Variants in GPER1 observed in about 807,000 individuals in gnomAD.
GPER1 encodes the protein G protein-coupled receptor 30.
In GPER1, 2 loss-of-function variants were observed where a neutral mutation model predicts 0.6. That is an observed-to-expected ratio of 3.41 (90% confidence interval 1.39 to 10.72). The LOEUF is 10.72. GPER1 is among the 30% of genes most tolerant of loss of function. The probability of loss-of-function intolerance (pLI) is 0.04; values close to 1 mark genes in which losing one functional copy is unlikely to be tolerated. For synonymous variants in GPER1, 263 were observed against 247.6 expected, an observed-to-expected ratio of 1.06 and a Z score of -0.58; for missense variants, 441 against 535.2, an observed-to-expected ratio of 0.82 and a Z score of 1.74.
At position 1,092,088 on chromosome 7, in the gene GPER1, C is replaced by T. The variant is rs758032389; in HGVS notation, c.360C>T (p.His120=). Residue 120 remains histidine (H), a synonymous_variant, in exon 2 of 2, where the codon CAC becomes CAT. Transcript: ENST00000397088. ...CCCTCATTGAGGTGTTCAACCTGCA[C>T]GAGCGGTACTACGACATCGCCGTCC... is the stretch of plus-strand genomic sequence containing the variant. ...ADSLIEVFNL[H]ERYYDIAVLC... is the part of the protein sequence containing the mutation. 5.0e-5 allele frequency: 81 copies of T among 1,613,950 alleles called. No individual in the cohort carries two copies. In the South Asian group the frequency reaches 7.5e-4, roughly 15 times the overall value.
rs368800854 is a variant in GPER1, at chr7:1,091,717, C to A, written c.-12C>A. 6 of 1,507,824 alleles carry A rather than the reference C, an allele frequency of 4.0e-6. No individual in the cohort carries two copies. The highest frequency in any genetic ancestry group is 2.3e-5 in the Admixed American group (1 of 44,286). 93.4% of individuals were successfully genotyped at this position (1,507,824 alleles called of 1,614,324 possible). A position where few individuals can be genotyped will look rare whatever the true frequency, so the allele number is the denominator to read the frequency against. Reference sequence around the variant, plus strand: ...CTTTCGGCAAATCTTGAAAGCTGCACGGTGCAGAGACATGGATGTGACTTC... The same window carrying A: ...CTTTCGGCAAATCTTGAAAGCTGCAAGGTGCAGAGACATGGATGTGACTTC... On this transcript the variant is annotated 5_prime_UTR_variant, in exon 2 of 2. Coordinates refer to ENST00000397088, the MANE Select transcript of GPER1 (RefSeq NM_001098201.3).
intron 1 of GPER1, among the ~76,000 whole-genome samples, chr7:1,090,087 A>G (rs1334443586): frequency 6.6e-6 from 1 of 152,158 alleles, no homozygotes; most frequent in Non-Finnish European, 1.5e-5. Flanking sequence ...AACATTCAAA[A>G]CAATAACTCC....
At chr7:1,090,446 C>T (rs541461538) in intron 1 of GPER1, among the ~76,000 whole-genome samples, 1 of 151,808 alleles carries the variant, frequency 6.6e-6, no homozygotes, top group East Asian at 1.9e-4. Context: ...CAGGACCTCC[C>T]CACTCGCAGC....
chr7:1,089,615 G>T (rs955406013), intron 1 of GPER1, among the ~76,000 whole-genome samples: 1 of 151,458 alleles, frequency 6.6e-6, no homozygotes, highest in Non-Finnish European at 1.5e-5. Context: ...TAGAGACAGG[G>T]TTTCGCCATG....
chr7:1,092,220 C>T lies in GPER1; in HGVS notation c.492C>T (p.Arg164=), dbSNP rs201825687. ...DRYIALARAM[R]CSLFRTKHHA... is the part of the protein sequence containing the mutation. ...ACATCGCCCTGGCCAGGGCCATGCG[C>T]TGCAGCCTGTTCCGCACCAAGCACC... The change falls in exon 2 of 2, where the codon CGC becomes CGT. Residue 164 remains arginine (R), a synonymous_variant. Transcript: ENST00000397088. 9.9e-6 allele frequency: 16 copies of T among 1,612,922 alleles called. No individual in the cohort carries two copies. In the East Asian group the frequency reaches 3.3e-4, roughly 34 times the overall value.
chr7:1,092,206 GCCAGGGCCAT>G lies in GPER1; in HGVS notation c.479_488del (p.Ala160GlyfsTer14). ...GAGCTTCGACCGCTACATCGCCCTG[GCCAGGGCCAT>G]GCGCTGCAGCCTGTTCCGCACCAAG... On this transcript the variant is annotated frameshift_variant, in exon 2 of 2. Coordinates refer to ENST00000397088, the MANE Select transcript of GPER1 (RefSeq NM_001098201.3). LOFTEE classifies it low-confidence loss of function (END_TRUNC). The G allele has an allele frequency of 6.2e-7, 1 of 1,613,046 alleles. No homozygotes were observed. Among genetic ancestry groups the G allele is most frequent in the Non-Finnish European group, 8.5e-7 (1 of 1,180,044 alleles).
chr7:1,093,154 T>A lies in GPER1; in HGVS notation c.*298T>A. On this transcript the variant is annotated 3_prime_UTR_variant, in exon 2 of 2. Transcript: ENST00000397088. Reference sequence around the variant, plus strand: ...CCAGCTCCTCCCCGCCAACCCTGCCTGCCGCTGCACCTGCCTGCCGCTGCA... The same window carrying A: ...CCAGCTCCTCCCCGCCAACCCTGCCAGCCGCTGCACCTGCCTGCCGCTGCA... 1.7e-6 allele frequency: 1 copy of A among 594,270 alleles called. No homozygotes were observed. Among genetic ancestry groups the A allele is most frequent in the Non-Finnish European group, 3.3e-6 (1 of 307,674 alleles). 36.8% of individuals were successfully genotyped at this position (594,270 alleles called of 1,614,324 possible). A position where few individuals can be genotyped will look rare whatever the true frequency, so the allele number is the denominator to read the frequency against.
rs551093454 is a variant in GPER1, at chr7:1,093,680, G to A, written c.*824G>A. On this transcript the variant is annotated 3_prime_UTR_variant, in exon 2 of 2. Transcript: ENST00000397088. ...AAATACTCCAGCACCTGTGGCTGACGAATTTGTTTCTACAGAAATAACAGC... is the reference window on the plus strand; with the variant it reads ...AAATACTCCAGCACCTGTGGCTGACAAATTTGTTTCTACAGAAATAACAGC... 1.3e-5 allele frequency: 6 copies of A among 469,688 alleles called. No homozygotes were observed. Among genetic ancestry groups the A allele is most frequent in the East Asian group, 7.0e-5 (1 of 14,320 alleles). The allele number at this position is 469,688 out of a possible 1,614,324, so 29.1% of individuals were successfully genotyped here. A position where few individuals can be genotyped will look rare whatever the true frequency, so the allele number is the denominator to read the frequency against.
At position 1,093,447 on chromosome 7, in the gene GPER1, T is replaced by C. The variant is rs1012364301; in HGVS notation, c.*591T>C. The C allele has an allele frequency of 1.7e-5, 8 of 464,614 alleles. No homozygotes were observed. Among genetic ancestry groups the C allele is most frequent in the African/African-American group, 1.6e-4 (8 of 49,996 alleles). 28.8% of individuals were successfully genotyped at this position (464,614 alleles called of 1,614,324 possible). On this transcript the variant is annotated 3_prime_UTR_variant, in exon 2 of 2. Transcript: ENST00000397088. ...CCTGAGCGTCCTCCATCTTCCAGGATGGCAGCAATGGCGCTGTGCGGCCTC... is the reference window on the plus strand; with the variant it reads ...CCTGAGCGTCCTCCATCTTCCAGGACGGCAGCAATGGCGCTGTGCGGCCTC...
chr7:1,091,483 A>AGTACTGTGTAGAT lies in GPER1; in HGVS notation c.-246_-245insGTACTGTGTAGAT. Reference sequence around the variant, plus strand: ...CCGCAGGGACGCCCGCCGGACGAGCACGCGGAGGGCCCTCGCCTCCACGGA... The same window carrying AGTACTGTGTAGAT: ...CCGCAGGGACGCCCGCCGGACGAGCAGTACTGTGTAGATCGCGGAGGGCCCTCGCCTCCACGGA... On this transcript the variant is annotated 5_prime_UTR_variant, in exon 2 of 2. Coordinates refer to ENST00000397088, the MANE Select transcript of GPER1 (RefSeq NM_001098201.3). 4.2e-6 allele frequency: 2 copies of AGTACTGTGTAGAT among 480,562 alleles called. No homozygotes were observed. The highest frequency in any genetic ancestry group is 1.9e-5 in the African/African-American group (1 of 51,614). The allele number at this position is 480,562 out of a possible 1,614,324, so 29.8% of individuals were successfully genotyped here. A position where few individuals can be genotyped will look rare whatever the true frequency, so the allele number is the denominator to read the frequency against.
At chr7:1,089,706 C>G (rs1168682356) in intron 1 of GPER1, among the ~76,000 whole-genome samples, 1 of 132,996 alleles carries the variant, frequency 7.5e-6, no homozygotes, top group African/African-American at 3.0e-5. Flanking sequence ...TATAGGCCAG[C>G]CTTTTTTTTT....
rs1335939748 is a variant in GPER1 at position 1,092,148 on chromosome 7, C to T, written c.420C>T (p.Asn140=). 9 of 1,613,594 alleles carry T rather than the reference C, an allele frequency of 5.6e-6. No homozygotes were observed. The highest frequency in any genetic ancestry group is 7.6e-6 in the Non-Finnish European group (9 of 1,179,972). Residue 140 remains asparagine (N), a synonymous_variant, in exon 2 of 2, where the codon AAC becomes AAT. Coordinates refer to ENST00000397088, the MANE Select transcript of GPER1 (RefSeq NM_001098201.3). ...TCATGTCGCTCTTCCTGCAGGTCAA[C>T]ATGTACAGCAGCGTCTTCTTCCTCA... is the stretch of plus-strand genomic sequence containing the variant. ...CTFMSLFLQV[N]MYSSVFFLTW... is the part of the protein sequence containing the mutation.
rs748338923 is a variant in GPER1, at chr7:1,092,597, G to A, written c.869G>A (p.Gly290Glu). 3.1e-6 allele frequency: 5 copies of A among 1,611,440 alleles called. No homozygotes were observed. In the South Asian group the frequency reaches 5.5e-5, roughly 18 times the overall value. ...SVHLLQRTQP[G>E]AAPCKQSFRH... ...CACCTCCTGCAGCGGACGCAGCCTG[G>A]GGCCGCTCCCTGCAAGCAGTCTTTC... is the stretch of plus-strand genomic sequence containing the variant. Residue 290 changes from glycine to glutamate, a missense_variant, in exon 2 of 2, where the codon GGG becomes GAG. Physicochemically the swap from Gly to Glu is moderately conservative, Grantham distance 98. Transcript: ENST00000397088.
chr7:1,092,543 G>A lies in GPER1; in HGVS notation c.815G>A (p.Trp272Ter). The stretch of plus-strand genomic sequence containing the variant: ...GTGGTGCTGGTCTTCTTCGTCTGCT[G>A]GCTGCCGGAGAACGTCTTCATCAGC... ...LAVVLVFFVCWLPENVFISVH... is the reference protein window; with the variant it reads ...LAVVLVFFVC The change falls in exon 2 of 2, where the codon TGG becomes TAG. Residue 272 changes from tryptophan to a stop codon, truncating the protein, a stop_gained. Coordinates refer to ENST00000397088, the MANE Select transcript of GPER1 (RefSeq NM_001098201.3). LOFTEE classifies it high-confidence loss of function. 6.2e-7 allele frequency: 1 copy of A among 1,609,246 alleles called. No homozygotes were observed. Among genetic ancestry groups the A allele is most frequent in the Non-Finnish European group, 8.5e-7 (1 of 1,179,944 alleles).
rs753550268 is a variant in GPER1, at chr7:1,093,538, C to G, written c.*682C>G. The G allele has an allele frequency of 5.3e-5, 25 of 471,020 alleles. No homozygotes were observed. In the Admixed American group the frequency reaches 5.6e-4, roughly 11 times the overall value. 29.2% of individuals were successfully genotyped at this position (471,020 alleles called of 1,614,324 possible). On this transcript the variant is annotated 3_prime_UTR_variant, in exon 2 of 2. Transcript: ENST00000397088. ...CAGGAAGGCCCCTCTGTGGAGCGCCCGCCGTCTGCTCCGGGGTGGTTCAGT... is the reference window on the plus strand; with the variant it reads ...CAGGAAGGCCCCTCTGTGGAGCGCCGGCCGTCTGCTCCGGGGTGGTTCAGT...
Position 1,092,560 on chromosome 7 carries a change from T to G in GPER1, c.832T>G (p.Phe278Val). The G allele has an allele frequency of 6.2e-7, 1 of 1,610,250 alleles. No individual in the cohort carries two copies. Among genetic ancestry groups the G allele is most frequent in the Non-Finnish European group, 8.5e-7 (1 of 1,180,004 alleles). ...FFVCWLPENV[F>V]ISVHLLQRTQ... ...CGTCTGCTGGCTGCCGGAGAACGTC[T>G]TCATCAGCGTGCACCTCCTGCAGCG... The change falls in exon 2 of 2, where the codon TTC becomes GTC. Residue 278 changes from phenylalanine to valine, a missense_variant. Physicochemically the swap from Phe to Val is conservative, Grantham distance 50. Coordinates refer to ENST00000397088, the MANE Select transcript of GPER1 (RefSeq NM_001098201.3).
intron 1 of GPER1, among the ~76,000 whole-genome samples, chr7:1,089,766 G>C (rs1230036631): frequency 7.4e-6 from 1 of 135,744 alleles, no homozygotes; most frequent in Non-Finnish European, 1.5e-5. Context: ...CAAATCTCTA[G>C]TCTGGTTTTG....
At position 1,091,776 on chromosome 7, in the gene GPER1, A is replaced by G. The variant is rs115028942; in HGVS notation, c.48A>G (p.Pro16=). Residue 16 remains proline, a synonymous_variant, in exon 2 of 2, where the codon CCA becomes CCG. Coordinates refer to ENST00000397088, the MANE Select transcript of GPER1 (RefSeq NM_001098201.3). ...QARGVGLEMY[P]GTAQPAAPNT... The stretch of plus-strand genomic sequence containing the variant: ...GGGGCGTGGGCCTGGAGATGTACCC[A>G]GGCACCGCGCAGCCTGCGGCCCCCA... The G allele has an allele frequency of 1.1e-3, 1,665 of 1,572,954 alleles. 12 individuals carry two copies. The African/African-American group carries it at 0.019, about 18-fold the overall frequency.
chr7:1,088,308 G>A lies in GPER1; in HGVS notation c.-336G>A, dbSNP rs1313702421. On this transcript the variant is annotated 5_prime_UTR_variant, in exon 1 of 2. Coordinates refer to ENST00000397088, the MANE Select transcript of GPER1 (RefSeq NM_001098201.3). The surrounding 1 kb of genome is among the most constrained non-coding windows in gnomAD (Gnocchi z 4.5). The stretch of plus-strand genomic sequence containing the variant: ...AAGGAGGCTTCCAGGAGCACAGAAG[G>A]GGCTGCAACCCAGGTAGGACTCAGC... 6.6e-6 allele frequency: 1 copy of A among 152,340 alleles called. No individual in the cohort carries two copies. Among genetic ancestry groups the A allele is most frequent in the Non-Finnish European group, 1.5e-5 (1 of 68,112 alleles). 9.4% of individuals were successfully genotyped at this position (152,340 alleles called of 1,614,324 possible). A position where few individuals can be genotyped will look rare whatever the true frequency, so the allele number is the denominator to read the frequency against.
Sources: gnomAD v4.1 joint callset for allele counts (sites outside exome capture counted in the v4.1 genomes callset) on GRCh38, gnomAD v4.1.1 for gene constraint, Gnocchi (gnomAD v3.1) non-coding constraint, MANE v1.5 for transcripts, NCBI Gene and HGNC (gene_info 2026-07-23, HGNC 2026-07-21) for gene names.